Variants in PUS10 observed in about 807,000 individuals in gnomAD.
PUS10 encodes the protein pseudouridine synthase 10.
A neutral mutation model predicts 75.0 loss-of-function variants in PUS10; 59 were observed. The ratio of observed to expected loss-of-function variants is 0.79; its 90% CI spans 0.64 to 0.98. The LOEUF is 0.98. Among genes scored for constraint, PUS10 ranks in the 50% least tolerant of loss-of-function variants. The pLI is 0.00. For missense variants in PUS10, 650 were observed against 614.4 expected (o/e 1.06, Z -0.61); for synonymous variants, 219 against 211.6 (o/e 1.03, Z -0.30).
intron 11 of PUS10, among the ~76,000 whole-genome samples, chr2:60,957,415 G>A (rs778613957): frequency 1.3e-5 from 2 of 152,212 alleles, no homozygotes; most frequent in Non-Finnish European, 2.9e-5. Flanking sequence ...GCTAGTGGGG[G>A]AACATGTAGT....
At chr2:61,012,479 G>C (rs1028180485) in intron 1 of PUS10, among the ~76,000 whole-genome samples, 1 of 151,662 alleles carries the variant, frequency 6.6e-6, no homozygotes, top group Non-Finnish European at 1.5e-5. Flanking sequence ...CTCAAAGTGA[G>C]TCATAGAAAC....
rs374136494 is a variant in PUS10, at chr2:60,948,194, G to T, written c.1309-9C>A. On this transcript the variant is annotated splice_polypyrimidine_tract_variant and intron_variant, in intron 15 of 17. Coordinates refer to ENST00000316752, the MANE Select transcript of PUS10 (RefSeq NM_144709.4). ...TGGTCGATTTTTAAGTCCTAGGGGA[G>T]AATATGACACACAGTCCCAGAGTCA... 1 of 1,613,868 alleles carries T rather than the reference G, an allele frequency of 6.2e-7. No individual in the cohort carries two copies. The highest frequency in any genetic ancestry group is 8.5e-7 in the Non-Finnish European group (1 of 1,179,790).
chr2:61,010,680 T>A (rs1679542179), intron 2 of PUS10: 1 of 1,238,068 alleles, frequency 8.1e-7, no homozygotes, highest in Non-Finnish European at 1.1e-6. Context: ...TCCCTTAAAG[T>A]CCTGTGAGGT....
At chr2:60,967,434 C>A (rs1254904765) in intron 6 of PUS10, 68 bp downstream of exon 6, 3 of 1,087,258 alleles carry the variant, frequency 2.8e-6, no homozygotes, top group South Asian at 1.4e-5. Flanking sequence ...TAACCAAAAC[C>A]CTGCCATATA....
intron 11 of PUS10, among the ~76,000 whole-genome samples, chr2:60,958,974 C>T (rs1279932764): frequency 2.0e-5 from 3 of 152,172 alleles, no homozygotes; most frequent in African/African-American, 4.8e-5. Context: ...ACGTGTAACA[C>T]CATTTCCTGC....
rs534793211 is a variant in PUS10 at position 60,969,650 on chromosome 2, C to T, written c.503+1873G>A. On this transcript the variant is annotated intron_variant, in intron 5 of 17. Coordinates refer to ENST00000316752, the MANE Select transcript of PUS10 (RefSeq NM_144709.4). ...GTTCCCTAAATCAATTCTTTAACAG[C>T]AATTCCTCCACAATCTTTTCAACCC... is the stretch of plus-strand genomic sequence containing the variant. Among the ~76,000 whole-genome samples the T allele has an allele frequency of 4.6e-5, 7 of 152,306 alleles. 1 individual carries two copies. In the South Asian group the frequency reaches 1.5e-3, roughly 32 times the overall value.
intron 4 of PUS10, among the ~76,000 whole-genome samples, chr2:60,973,577 G>A (rs1390946832): frequency 6.6e-6 from 1 of 152,262 alleles, no homozygotes; most frequent in Non-Finnish European, 1.5e-5. Context: ...GTACGGGAGG[G>A]AGGCCAAGGA....
At chr2:60,965,632 G>T in intron 6 of PUS10, 148 bp from the exon 7 acceptor site, 9 of 554,604 alleles carry the variant, frequency 1.6e-5, no homozygotes, top group South Asian at 5.4e-5. Context: ...AAATCAACTT[G>T]TTATCAGGGC....
rs1244506222 is a variant in PUS10 at position 60,940,689 on chromosome 2, C to G, written c.*1706G>C. ...TTACATATTACAGGTCCACTAGATT[C>G]AAAGGTAAGCCAAAAATACCATGCA... On this transcript the variant is annotated 3_prime_UTR_variant, in exon 18 of 18. Coordinates refer to ENST00000316752, the MANE Select transcript of PUS10 (RefSeq NM_144709.4). 2 of 152,286 alleles carry G rather than the reference C, an allele frequency of 1.3e-5. No individual in the cohort carries two copies. Among genetic ancestry groups the G allele is most frequent in the African/African-American group, 4.8e-5 (2 of 41,442 alleles). The allele number at this position is 152,286 out of a possible 1,614,324, so 9.4% of individuals were successfully genotyped here.
At chr2:60,960,360 A>AT (rs1675949891) in intron 11 of PUS10, 32 bp downstream of exon 11, 1 of 1,442,392 alleles carries the variant, frequency 6.9e-7, no homozygotes, top group Non-Finnish European at 9.1e-7. Flanking sequence ...AAAAAAAAAA[A>AT]GAAAGAAAAG....
chr2:61,008,470 A>G (rs961252039), intron 3 of PUS10, among the ~76,000 whole-genome samples: 1 of 152,134 alleles, frequency 6.6e-6, no homozygotes, highest in African/African-American at 2.4e-5. Flanking sequence ...CAGCCTGGAC[A>G]ACAAGAGCAA....
At chr2:60,947,765 C>T (rs536312447) in intron 16 of PUS10, among the ~76,000 whole-genome samples, 1 of 143,128 alleles carries the variant, frequency 7.0e-6, no homozygotes, top group Non-Finnish European at 1.5e-5. Flanking sequence ...GGAGGCGGAG[C>T]TTGCAGTAAG....
chr2:60,941,723 C>T lies in PUS10; in HGVS notation c.*672G>A, dbSNP rs369621857. 3 of 152,398 alleles carry T rather than the reference C, an allele frequency of 2.0e-5. No individual in the cohort carries two copies. The East Asian group carries it at 5.6e-4, about 29-fold the overall frequency. The allele number at this position is 152,398 out of a possible 1,614,324, so 9.4% of individuals were successfully genotyped here. A position where few individuals can be genotyped will look rare whatever the true frequency, so the allele number is the denominator to read the frequency against. The stretch of plus-strand genomic sequence containing the variant: ...AGGCTCCTACCATGGCATGCCTTGG[C>T]TCCTACGGTTTTACTTTCCCTCCAC... On this transcript the variant is annotated 3_prime_UTR_variant, in exon 18 of 18. Coordinates refer to ENST00000316752, the MANE Select transcript of PUS10 (RefSeq NM_144709.4).
intron 4 of PUS10, among the ~76,000 whole-genome samples, chr2:60,986,471 G>A (rs569766623): frequency 8.3e-4 from 127 of 152,242 alleles, no homozygotes; most frequent in African/African-American, 3.0e-3. Flanking sequence ...TTTGTAAACT[G>A]TGAAATGCAC....
intron 11 of PUS10, among the ~76,000 whole-genome samples, chr2:60,956,277 ACT>A (rs1466235761): frequency 6.6e-6 from 1 of 152,134 alleles, no homozygotes; most frequent in Non-Finnish European, 1.5e-5. Context: ...GAGTCAACAG[ACT>A]CAACCTGTAG....
chr2:61,011,669 T>C, intron 2 of PUS10, 96 bp downstream of exon 2: 1 of 871,694 alleles, frequency 1.1e-6, no homozygotes, highest in South Asian at 2.4e-5. Context: ...AAAAGAGTTA[T>C]GAATAGATAC....
At chr2:61,005,665 C>T (rs2104685007) in intron 4 of PUS10, among the ~76,000 whole-genome samples, 1 of 152,282 alleles carries the variant, frequency 6.6e-6, no homozygotes, top group East Asian at 1.9e-4. Flanking sequence ...TGTTTATAAG[C>T]CCAGTTATAT....
intron 4 of PUS10, among the ~76,000 whole-genome samples, 172 bp from the exon 5 acceptor site, chr2:60,971,729 A>G (rs1339730596): frequency 1.3e-5 from 2 of 152,184 alleles, no homozygotes; most frequent in African/African-American, 2.4e-5. Context: ...ATTTAAAATC[A>G]AAAATGAGGT....
At chr2:61,007,969 C>G (rs924680278) in intron 3 of PUS10, among the ~76,000 whole-genome samples, 3 of 151,408 alleles carry the variant, frequency 2.0e-5, no homozygotes, top group Admixed American at 2.0e-4. Flanking sequence ...CCCAGCTACT[C>G]GGGAGGCTGA....
Sources: gnomAD v4.1 joint callset for allele counts (sites outside exome capture counted in the v4.1 genomes callset) on GRCh38, gnomAD v4.1.1 for gene constraint, MANE v1.5 for transcripts, NCBI Gene and HGNC (gene_info 2026-07-23, HGNC 2026-07-21) for gene names.